Variants in SPMAP2L observed in about 807,000 individuals in gnomAD.
SPMAP2L encodes sperm microtubule associated protein 2-like.
chr4:56,615,007 C>T, the SPMAP2L span, among the ~76,000 whole-genome samples: 1 of 152,188 alleles, frequency 6.6e-6, no homozygotes, highest in Non-Finnish European at 1.5e-5. Context: ...TTACTAACCC[C>T]TTAGGAGAAA....
At chr4:56,543,973 T>TGAGAGAGA in the SPMAP2L span, among the ~76,000 whole-genome samples, 15 of 127,298 alleles carry the variant, frequency 1.2e-4, no homozygotes, top group African/African-American at 2.2e-4. Context: ...TGTGTGTATG[T>TGAGAGAGA]GAGAGAGAGA....
At chr4:56,577,382 A>G in the SPMAP2L span, among the ~76,000 whole-genome samples, 1 of 152,200 alleles carries the variant, frequency 6.6e-6, no homozygotes, top group Non-Finnish European at 1.5e-5. Flanking sequence ...AAGATATACC[A>G]TTCACACCAG....
the SPMAP2L span, among the ~76,000 whole-genome samples, chr4:56,615,864 G>T: frequency 1.3e-5 from 2 of 152,140 alleles, no homozygotes; most frequent in Non-Finnish European, 2.9e-5. Flanking sequence ...TCAAGGTGAG[G>T]CTCATTTCAA....
the SPMAP2L span, among the ~76,000 whole-genome samples, chr4:56,549,533 C>T: frequency 6.6e-6 from 1 of 152,168 alleles, no homozygotes; most frequent in Non-Finnish European, 1.5e-5. Context: ...TGTACATGTG[C>T]ATATAATGCA....
the SPMAP2L span, among the ~76,000 whole-genome samples, chr4:56,570,233 C>G: frequency 6.6e-6 from 1 of 152,196 alleles, no homozygotes; most frequent in African/African-American, 2.4e-5. Flanking sequence ...ACCCAGGAAG[C>G]CTCTATCTCT....
the SPMAP2L span, among the ~76,000 whole-genome samples, chr4:56,572,526 A>G: frequency 7.6e-3 from 1,159 of 152,290 alleles, 20 homozygotes; most frequent in African/African-American, 0.026. Flanking sequence ...CTGGTGCTCA[A>G]TACGTATTTT....
At chr4:56,535,622 C>A in the SPMAP2L span, among the ~76,000 whole-genome samples, 19 of 152,248 alleles carry the variant, frequency 1.2e-4, no homozygotes, top group African/African-American at 4.6e-4. Flanking sequence ...TGCTCCCAGC[C>A]GAATAAAGCC....
At chr4:56,620,745 T>C in the SPMAP2L span, among the ~76,000 whole-genome samples, 1 of 152,244 alleles carries the variant, frequency 6.6e-6, no homozygotes, top group Admixed American at 6.5e-5. Flanking sequence ...GCTGCATGCA[T>C]TCTGCTGTGG....
At chr4:56,546,810 A>G in the SPMAP2L span, among the ~76,000 whole-genome samples, 3 of 151,654 alleles carry the variant, frequency 2.0e-5, no homozygotes, top group African/African-American at 7.3e-5. Context: ...GTAATACATA[A>G]AAAGCCCATA....
the SPMAP2L span, among the ~76,000 whole-genome samples, chr4:56,543,947 A>AGTGT: frequency 7.9e-6 from 1 of 126,512 alleles, no homozygotes; most frequent in African/African-American, 3.1e-5. Flanking sequence ...AGAGAGAGAG[A>AGTGT]GAGTGTGTGT....
At chr4:56,615,517 C>T in the SPMAP2L span, among the ~76,000 whole-genome samples, 46 of 152,206 alleles carry the variant, frequency 3.0e-4, no homozygotes, top group African/African-American at 5.8e-4. Context: ...GAGGCCGAGG[C>T]GGGTGGATCA....
the SPMAP2L span, among the ~76,000 whole-genome samples, chr4:56,580,448 C>T: frequency 1.3e-5 from 2 of 151,874 alleles, no homozygotes; most frequent in African/African-American, 4.8e-5. Context: ...AAATGCTAAA[C>T]AAGCTAGGCA....
chr4:56,560,119 G>A, the SPMAP2L span, among the ~76,000 whole-genome samples: 1 of 152,124 alleles, frequency 6.6e-6, no homozygotes, highest in Admixed American at 6.6e-5. Flanking sequence ...TCCAGAATTA[G>A]GAAGACATCT....
At chr4:56,607,506 A>G in the SPMAP2L span, among the ~76,000 whole-genome samples, 16 of 152,214 alleles carry the variant, frequency 1.1e-4, no homozygotes, top group Non-Finnish European at 1.8e-4. Flanking sequence ...CTAAAAATGT[A>G]AAAACAGCTT....
the SPMAP2L span, chr4:56,601,123 A>C: frequency 1.2e-5 from 19 of 1,529,228 alleles, no homozygotes; most frequent in Non-Finnish European, 1.6e-5. Context: ...TGTCAATTTC[A>C]GGCTAAAGTG....
chr4:56,536,142 C>G, the SPMAP2L span, among the ~76,000 whole-genome samples: 1 of 152,254 alleles, frequency 6.6e-6, no homozygotes, highest in Non-Finnish European at 1.5e-5. Context: ...TAACAGGCCA[C>G]AGACAAAACC....
the SPMAP2L span, among the ~76,000 whole-genome samples, chr4:56,588,888 C>T: frequency 2.6e-5 from 4 of 152,184 alleles, no homozygotes; most frequent in Non-Finnish European, 4.4e-5. Context: ...GGTGTCCTTT[C>T]TCCACTTTAT....
the SPMAP2L span, among the ~76,000 whole-genome samples, chr4:56,605,493 T>G: frequency 3.9e-5 from 6 of 152,228 alleles, no homozygotes; most frequent in Non-Finnish European, 8.8e-5. Flanking sequence ...GCTTCTCTAA[T>G]GAAGGAACAA....
At chr4:56,546,166 A>G in the SPMAP2L span, among the ~76,000 whole-genome samples, 2 of 151,706 alleles carry the variant, frequency 1.3e-5, no homozygotes, top group African/African-American at 2.4e-5. Flanking sequence ...AATGGATTTC[A>G]TTTATAGTGC....
Sources: allele counts gnomAD v4.1 joint callset (sites outside exome capture counted in the v4.1 genomes callset), GRCh38; gene constraint gnomAD v4.1.1; transcripts MANE v1.5; gene names NCBI Gene and HGNC (gene_info 2026-07-23, HGNC 2026-07-21).